Variants in FAT3 observed in about 807,000 individuals in gnomAD.
FAT3 encodes the protein protocadherin Fat 3.
In FAT3, 95 loss-of-function variants were observed where a neutral mutation model predicts 310.2. The ratio of observed to expected loss-of-function variants is 0.31; its 90% CI spans 0.26 to 0.36. The LOEUF is 0.36. FAT3 is among the 10% of genes least tolerant of loss of function. The pLI, the probability that FAT3 is intolerant of heterozygous loss-of-function variation, is 1.00. For synonymous variants in FAT3, 2,314 were observed against 2,192.9 expected, an observed-to-expected ratio of 1.06 and a Z score of -1.54; for missense variants, 5,408 against 5,715.6, an observed-to-expected ratio of 0.95 and a Z score of 1.74.
chr11:92,844,587 G>A lies in FAT3; in HGVS notation c.11220G>A (p.Glu3740=), dbSNP rs370728077. Residue 3740 remains glutamate, a synonymous_variant, in exon 19 of 28, where the codon GAG becomes GAA. Transcript: ENST00000525166. ...ENIMRISAIL[E]KNCSGLDCQE... ...TCATGCGCATCTCAGCCATCTTGGAGAAGAACTGCTCAGGGCTGGACTGTC... is the reference window on the plus strand; with the variant it reads ...TCATGCGCATCTCAGCCATCTTGGAAAAGAACTGCTCAGGGCTGGACTGTC... 2.2e-5 allele frequency: 36 copies of A among 1,613,972 alleles called. No homozygotes were observed. The African/African-American group carries it at 4.5e-4, about 20-fold the overall frequency.
At chr11:92,714,152 A>G (rs922481343) in intron 4 of FAT3, among the ~76,000 whole-genome samples, 2 of 152,264 alleles carry the variant, frequency 1.3e-5, no homozygotes, top group African/African-American at 4.8e-5. Context: ...CTGTCTGTAC[A>G]GTACTTAGCA....
chr11:92,793,481 A>G (rs1947088903), intron 9 of FAT3, among the ~76,000 whole-genome samples: 2 of 152,118 alleles, frequency 1.3e-5, no homozygotes, highest in Non-Finnish European at 2.9e-5. Context: ...TAGATGGTAG[A>G]TATGGAGTCT....
chr11:92,795,787 A>G (rs2136171110), intron 9 of FAT3, among the ~76,000 whole-genome samples: 1 of 152,238 alleles, frequency 6.6e-6, no homozygotes, highest in South Asian at 2.1e-4. Flanking sequence ...GCCTGCCTGC[A>G]GTCCCAGCTA....
At chr11:92,534,628 G>T (rs906512994) in intron 3 of FAT3, among the ~76,000 whole-genome samples, 2 of 152,104 alleles carry the variant, frequency 1.3e-5, no homozygotes, top group Admixed American at 6.5e-5. Context: ...AATTCATATT[G>T]GATGTGTGTG....
At chr11:92,332,142 G>T (rs1285443191) in intron 1 of FAT3, among the ~76,000 whole-genome samples, 1 of 152,176 alleles carries the variant, frequency 6.6e-6, no homozygotes, top group Non-Finnish European at 1.5e-5. Context: ...TTGACATTTA[G>T]GGCTTGTGCT....
chr11:92,732,514 A>C (rs1945212791), intron 4 of FAT3, among the ~76,000 whole-genome samples: 1 of 152,166 alleles, frequency 6.6e-6, no homozygotes, highest in African/African-American at 2.4e-5. Flanking sequence ...AAAATTAATG[A>C]TAAACCTCTT....
At chr11:92,232,888 A>G (rs970870942) in intron 1 of FAT3, among the ~76,000 whole-genome samples, 1 of 152,064 alleles carries the variant, frequency 6.6e-6, no homozygotes, top group Admixed American at 6.6e-5. Flanking sequence ...GCTTTATATT[A>G]TATTTACCTG....
At chr11:92,496,262 T>C (rs1952758756) in intron 2 of FAT3, among the ~76,000 whole-genome samples, 1 of 152,020 alleles carries the variant, frequency 6.6e-6, no homozygotes, top group Admixed American at 6.6e-5. Context: ...CCTCAGTGCC[T>C]AATGCATAAG....
At chr11:92,857,025 A>AC (rs1948996655) in intron 19 of FAT3, among the ~76,000 whole-genome samples, 189 bp from the exon 20 acceptor site, 1 of 152,172 alleles carries the variant, frequency 6.6e-6, no homozygotes, top group African/African-American at 2.4e-5. Flanking sequence ...AATTGGATGG[A>AC]CACCCACACC....
rs1555002204 is a variant in FAT3, at chr11:92,291,113, A to ACG, written c.-17-60982_-17-60981insGC. Among the ~76,000 whole-genome samples the ACG allele has an allele frequency of 1.1e-4, 17 of 151,314 alleles. No individual in the cohort carries two copies. The East Asian group carries it at 3.0e-3, about 26-fold the overall frequency. ...CACACACACACACACACACACACAC[A>ACG]CACATGCACGCGCGCAGAAGTAGGT... On this transcript the variant is annotated intron_variant, in intron 1 of 27. Transcript: ENST00000525166.
intron 3 of FAT3, among the ~76,000 whole-genome samples, chr11:92,545,188 T>C (rs1954577063): frequency 6.6e-6 from 1 of 152,144 alleles, no homozygotes; most frequent in South Asian, 2.1e-4. Context: ...GGTCCCCTAG[T>C]TCTCTTCAAG....
chr11:92,822,317 TAAAA>T, intron 13 of FAT3, among the ~76,000 whole-genome samples: 1 of 140,100 alleles, frequency 7.1e-6, no homozygotes, highest in Non-Finnish European at 1.6e-5. Flanking sequence ...ACAGGTTGGT[TAAAA>T]AAAAAAAAAG....
In FAT3 at chr11:92,800,172, G is replaced by A. The variant is rs1947295630; in HGVS notation, c.7159G>A (p.Val2387Ile). The change falls in exon 10 of 28, where the codon GTA (valine) becomes ATA (isoleucine). Residue 2387 changes from valine to isoleucine, a missense_variant. Around this residue, in one of 5 missense-constraint regions of FAT3, gnomAD observed 4,588 missense variants for 4,809.8 expected, o/e 0.95. Transcript: ENST00000525166. ...TCTCGTTCATATCTACATCTCTGATGTAAATGACAACCCTCCAGTTTTTAA... is the reference window on the plus strand; with the variant it reads ...TCTCGTTCATATCTACATCTCTGATATAAATGACAACCCTCCAGTTTTTAA... ...EVLVHIYISD[V>I]NDNPPVFNQL... The A allele has an allele frequency of 5.0e-6, 8 of 1,613,996 alleles. No homozygotes were observed. Among genetic ancestry groups the A allele is most frequent in the Non-Finnish European group, 6.8e-6 (8 of 1,179,884 alleles).
chr11:92,243,772 A>G (rs1590997499), intron 1 of FAT3, among the ~76,000 whole-genome samples: 1 of 152,102 alleles, frequency 6.6e-6, no homozygotes, highest in African/African-American at 2.4e-5. Context: ...CCATAAGCCA[A>G]GGACTTTAGT....
intron 3 of FAT3, among the ~76,000 whole-genome samples, chr11:92,596,267 C>T (rs1441522844): frequency 1.3e-5 from 2 of 152,162 alleles, no homozygotes; most frequent in East Asian, 3.9e-4. Flanking sequence ...AGAACCCTGA[C>T]ATCAGCTCCA....
In FAT3 at chr11:92,863,782, A is replaced by C. The variant is rs76578206; in HGVS notation, c.11659-2959A>C. On this transcript the variant is annotated intron_variant, in intron 21 of 27. Coordinates refer to ENST00000525166, the MANE Select transcript of FAT3 (RefSeq NM_001367949.2). ...TAAATATGATCAGAATATATTTTCC[A>C]GTATAAGAGAACATAGACATGAAAA... Among the ~76,000 whole-genome samples, 139 of 152,344 alleles carry C rather than the reference A, an allele frequency of 9.1e-4. 1 individual carries two copies. The East Asian group carries it at 0.026, about 28-fold the overall frequency.
intron 2 of FAT3, among the ~76,000 whole-genome samples, chr11:92,388,482 G>A (rs1226280271): frequency 6.6e-6 from 1 of 152,156 alleles, no homozygotes; most frequent in East Asian, 1.9e-4. Context: ...TGAAGACATG[G>A]CTATAATTTA....
At chr11:92,742,458 A>C (rs1026222885) in intron 4 of FAT3, among the ~76,000 whole-genome samples, 1 of 152,152 alleles carries the variant, frequency 6.6e-6, no homozygotes, top group African/African-American at 2.4e-5. Context: ...TTGCTTTACC[A>C]CTGTTTACCT....
intron 3 of FAT3, among the ~76,000 whole-genome samples, chr11:92,671,046 T>G (rs935594111): frequency 6.6e-6 from 1 of 151,704 alleles, no homozygotes; most frequent in African/African-American, 2.4e-5. Flanking sequence ...TTGTTTTTTG[T>G]TTTTTGTTTT....
Sources: allele counts gnomAD v4.1 joint callset (sites outside exome capture counted in the v4.1 genomes callset), GRCh38; gene constraint gnomAD v4.1.1; regional missense constraint gnomAD v4.1.1; transcripts MANE v1.5; gene names NCBI Gene and HGNC (gene_info 2026-07-23, HGNC 2026-07-21).